DHX36: variants seen among roughly 807,000 people sequenced by gnomAD.
DHX36 encodes DEAH-box helicase 36.
In DHX36, 50 loss-of-function variants were observed where a neutral mutation model predicts 139.0. That is an observed-to-expected ratio of 0.36 (90% CI 0.29 to 0.46). The LOEUF is 0.46. Ranked by LOEUF, DHX36 falls within the 20% of genes least tolerant of loss-of-function variation. The pLI is 1.00. For missense variants in DHX36, 1,024 were observed against 1,211.3 expected, an observed-to-expected ratio of 0.85 and a Z score of 2.29; for synonymous variants, 425 against 401.9, an observed-to-expected ratio of 1.06 and a Z score of -0.69.
At chr3:154,311,033 T>A (rs980920549) in intron 4 of DHX36, among the ~76,000 whole-genome samples, 8 of 151,204 alleles carry the variant, frequency 5.3e-5, no homozygotes, top group African/African-American at 1.9e-4. Context: ...TGCCAGGCAC[T>A]GTTCTGAGTC....
Position 154,293,792 on chromosome 3 carries a change from A to C in DHX36, c.1626T>G (p.Pro542=). The change falls in exon 14 of 25, where the codon CCT becomes CCG. Residue 542 remains proline, a synonymous_variant. Coordinates refer to ENST00000496811, the MANE Select transcript of DHX36 (RefSeq NM_020865.3). ...TAGCAATTACTATTTTCCGAACACC[A>C]GGAGGGGTTCTTTTAAACACCTGTA... ...NQTQVFKRTP[P]GVRKIVIATN... is the part of the protein sequence containing the mutation. 6.2e-7 allele frequency: 1 copy of C among 1,613,032 alleles called. No homozygotes were observed.
At chr3:154,317,776 T>C (rs2108367578) in intron 1 of DHX36, among the ~76,000 whole-genome samples, 1 of 152,142 alleles carries the variant, frequency 6.6e-6, no homozygotes, top group South Asian at 2.1e-4. Context: ...AGGAGACTGA[T>C]GAAAGCAGAC....
At chr3:154,320,886 C>T (rs73872813) in intron 1 of DHX36, among the ~76,000 whole-genome samples, 2 of 152,308 alleles carry the variant, frequency 1.3e-5, no homozygotes, top group East Asian at 3.9e-4. Context: ...ATTCCTTATA[C>T]TGCTACCAGA....
chr3:154,314,561 G>A (rs539031597), intron 3 of DHX36: 1 of 152,890 alleles, frequency 6.5e-6, no homozygotes, highest in Non-Finnish European at 1.5e-5. Flanking sequence ...ATCTTGCCTA[G>A]CATAGAAAGA....
At chr3:154,317,530 C>T (rs1273188725) in intron 1 of DHX36, among the ~76,000 whole-genome samples, 1 of 151,868 alleles carries the variant, frequency 6.6e-6, no homozygotes, top group African/African-American at 2.4e-5. Flanking sequence ...GAGGAGTAAT[C>T]AAGAGAACAA....
intron 21 of DHX36, 41 bp downstream of exon 21, chr3:154,280,722 T>C (rs770517946): frequency 2.8e-5 from 45 of 1,603,512 alleles, no homozygotes; most frequent in Middle Eastern, 1.7e-4. Context: ...ACTGATACAA[T>C]AGACAAAAGA....
At chr3:154,318,434 G>A (rs1399755095) in intron 1 of DHX36, among the ~76,000 whole-genome samples, 1 of 151,968 alleles carries the variant, frequency 6.6e-6, no homozygotes, top group Non-Finnish European at 1.5e-5. Flanking sequence ...CAATTTCCTA[G>A]ATTGACATTT....
At chr3:154,299,608 A>T in intron 12 of DHX36, 1 of 466,324 alleles carries the variant, frequency 2.1e-6, no homozygotes, top group Non-Finnish European at 3.9e-6. Context: ...TTTTTGCAGC[A>T]GTAAGTGAAA....
chr3:154,313,269 T>C (rs1712840822), intron 3 of DHX36, among the ~76,000 whole-genome samples: 1 of 152,120 alleles, frequency 6.6e-6, no homozygotes, highest in African/African-American at 2.4e-5. Context: ...AGTCCAATAT[T>C]CTTTCCCAAG....
chr3:154,324,282 A>G lies in DHX36; in HGVS notation c.135T>C (p.Gly45=). Residue 45 remains glycine (G), a synonymous_variant, in exon 1 of 25, where the codon GGT becomes GGC. Transcript: ENST00000496811. ...GSGGGGGGGG[G]GRGGRGRHPG... Reference sequence around the variant, plus strand: ...GATGCCGGCCCCTGCCGCCTCGACCACCCCCTCCGCCGCCGCCGCCTCCTC... The same window carrying G: ...GATGCCGGCCCCTGCCGCCTCGACCGCCCCCTCCGCCGCCGCCGCCTCCTC... The G allele has an allele frequency of 3.1e-6, 5 of 1,600,114 alleles. No individual in the cohort carries two copies. The highest frequency in any genetic ancestry group is 4.3e-6 in the Non-Finnish European group (5 of 1,174,006).
At chr3:154,278,130 A>T (rs1216804706) in intron 22 of DHX36, among the ~76,000 whole-genome samples, 1 of 152,166 alleles carries the variant, frequency 6.6e-6, no homozygotes, top group African/African-American at 2.4e-5. Flanking sequence ...TTACTATGAC[A>T]ATCATAATAC....
In DHX36 at chr3:154,324,458, G is replaced by A. The variant is rs1361675415; in HGVS notation, c.-42C>T. 2.1e-6 allele frequency: 3 copies of A among 1,446,752 alleles called. No individual in the cohort carries two copies. Among genetic ancestry groups the A allele is most frequent in the Admixed American group, 2.7e-5 (1 of 37,376 alleles). The allele number at this position is 1,446,752 out of a possible 1,614,324, so 89.6% of individuals were successfully genotyped here. A position where few individuals can be genotyped will look rare whatever the true frequency, so the allele number is the denominator to read the frequency against. On this transcript the variant is annotated 5_prime_UTR_variant, in exon 1 of 25. Transcript: ENST00000496811. Reference sequence around the variant, plus strand: ...AACCCGTCAGAACCAGCAACCGCTGGAAATGGCGTCCGGGCCCGGAAGCCA... The same window carrying A: ...AACCCGTCAGAACCAGCAACCGCTGAAAATGGCGTCCGGGCCCGGAAGCCA...
intron 4 of DHX36, among the ~76,000 whole-genome samples, chr3:154,311,265 C>A (rs1712753702): frequency 6.6e-6 from 1 of 151,908 alleles, no homozygotes; most frequent in East Asian, 1.9e-4. Flanking sequence ...TTAAAATTAA[C>A]TGTATTTTTA....
At chr3:154,278,892 C>T (rs1310002870) in intron 22 of DHX36, 1 of 152,270 alleles carries the variant, frequency 6.6e-6, no homozygotes, top group East Asian at 1.9e-4. Flanking sequence ...TTTCTCACTT[C>T]AAGTCAATTT....
rs1333063638 is a variant in DHX36 at position 154,276,141 on chromosome 3, C to G, written c.*30G>C. 1.9e-6 allele frequency: 3 copies of G among 1,578,578 alleles called. No homozygotes were observed. The highest frequency in any genetic ancestry group is 1.9e-5 in the Admixed American group (1 of 52,110). ...ACAATGATGAAGAATGGCTGTCAAA[C>G]TGGCTTTTCAGACCACCCCTGAAAA... On this transcript the variant is annotated 3_prime_UTR_variant, in exon 25 of 25. Transcript: ENST00000496811.
rs2596630 is a variant in DHX36, at chr3:154,274,797, A to G, written c.*1374T>C. On this transcript the variant is annotated 3_prime_UTR_variant, in exon 25 of 25. Transcript: ENST00000496811. ...TAGGGAAAGGGTCCAACATACCTGGACACAGAGCTGCACAGAAGGGAACAC... is the reference window on the plus strand; with the variant it reads ...TAGGGAAAGGGTCCAACATACCTGGGCACAGAGCTGCACAGAAGGGAACAC... 0.91 allele frequency: 137,854 copies of G among 152,160 alleles called. 62,681 individuals are homozygous for G. The highest frequency in any genetic ancestry group is 1 in the East Asian group (5,156 of 5,166). 9.4% of individuals were successfully genotyped at this position (152,160 alleles called of 1,614,324 possible).
intron 5 of DHX36, among the ~76,000 whole-genome samples, chr3:154,307,067 G>C (rs1712531999): frequency 6.6e-6 from 1 of 152,078 alleles, no homozygotes; most frequent in South Asian, 2.1e-4. Flanking sequence ...ACAAAAGTGT[G>C]TTATGACAAA....
intron 12 of DHX36, among the ~76,000 whole-genome samples, chr3:154,298,799 C>T (rs1712143422): frequency 6.6e-6 from 1 of 152,122 alleles, no homozygotes; most frequent in African/African-American, 2.4e-5. Context: ...CCTGCAGTCC[C>T]AGCTACTCAG....
chr3:154,308,637 G>A (rs1712605841), intron 5 of DHX36, among the ~76,000 whole-genome samples: 2 of 152,148 alleles, frequency 1.3e-5, no homozygotes, highest in Admixed American at 6.5e-5. Flanking sequence ...TGGAATATTT[G>A]CATTATACTT....
Sources: gnomAD v4.1 joint callset for allele counts (sites outside exome capture counted in the v4.1 genomes callset) on GRCh38, gnomAD v4.1.1 for gene constraint, MANE v1.5 for transcripts, NCBI Gene and HGNC (gene_info 2026-07-23, HGNC 2026-07-21) for gene names.